DEFB104B: variants seen among roughly 807,000 people sequenced by gnomAD.
DEFB104B encodes the protein defensin beta 104B, also known as beta-defensin 104.
intron 1 of DEFB104B, among the ~76,000 whole-genome samples, chr8:7,474,153 C>T (rs1353332523): frequency 7.1e-6 from 1 of 141,732 alleles, no homozygotes; most frequent in African/African-American, 2.6e-5. Context: ...TGCTGGGTGT[C>T]TGTCAAAGCC....
intron 1 of DEFB104B, among the ~76,000 whole-genome samples, chr8:7,474,395 T>C (rs1811057529): frequency 1.4e-5 from 2 of 143,418 alleles, no homozygotes; most frequent in South Asian, 4.3e-4. Context: ...GGGACATAGA[T>C]TAACGTAGGA....
rs530435587 is a variant in DEFB104B, at chr8:7,474,102, A to C, written c.58+909T>G. 2.4e-3 allele frequency among the ~76,000 whole-genome samples: 337 copies of C among 141,000 alleles called. 9 individuals are homozygous for C. Among genetic ancestry groups the C allele is most frequent in the South Asian group, 3.1e-3 (14 of 4,542 alleles). 92.5% of individuals were successfully genotyped at this position (141,000 alleles called of 152,430 possible). A position where few individuals can be genotyped will look rare whatever the true frequency, so the allele number is the denominator to read the frequency against. Reference sequence around the variant, plus strand: ...TGAAAAAAAATCATTAACCCATCTGAATCACAGTGGAGGCACAGCCTGGAA... The same window carrying C: ...TGAAAAAAAATCATTAACCCATCTGCATCACAGTGGAGGCACAGCCTGGAA... On this transcript the variant is annotated intron_variant, in intron 1 of 1. Coordinates refer to ENST00000316169, the MANE Select transcript of DEFB104B (RefSeq NM_001040702.1).
At chr8:7,474,967 T>C in intron 1 of DEFB104B, 44 bp downstream of exon 1, 2 of 535,998 alleles carry the variant, frequency 3.7e-6, no homozygotes, top group South Asian at 3.9e-5. Flanking sequence ...CCCCCTGTCA[T>C]CCCCAGCAAC....
At chr8:7,471,144 T>C (rs141586239) in intron 1 of DEFB104B, among the ~76,000 whole-genome samples, 8,798 of 141,346 alleles carry the variant, frequency 0.062, 16 homozygotes, top group Non-Finnish European at 0.07. Flanking sequence ...CAAGTTGTAG[T>C]TATATATCTA....
chr8:7,472,042 G>A (rs1235752394), intron 1 of DEFB104B, among the ~76,000 whole-genome samples: 1 of 151,358 alleles, frequency 6.6e-6, no homozygotes. Flanking sequence ...ATTTGGAATG[G>A]CCCCACAGCG....
intron 1 of DEFB104B, among the ~76,000 whole-genome samples, chr8:7,471,237 T>C: frequency 8.2e-6 from 1 of 122,268 alleles, no homozygotes; most frequent in African/African-American, 3.1e-5. Flanking sequence ...TATGTATATA[T>C]GTATGTATAT....
At chr8:7,472,018 T>C (rs1393663156) in intron 1 of DEFB104B, among the ~76,000 whole-genome samples, 2 of 151,450 alleles carry the variant, frequency 1.3e-5, no homozygotes, top group Non-Finnish European at 2.9e-5. Flanking sequence ...GGATAGGATA[T>C]TGAAGGGGTT....
intron 1 of DEFB104B, among the ~76,000 whole-genome samples, chr8:7,474,336 G>A (rs1811054838): frequency 6.9e-6 from 1 of 144,716 alleles, no homozygotes; most frequent in Non-Finnish European, 1.5e-5. Context: ...AATTAGATTA[G>A]GTGCTCACTC....
chr8:7,472,561 G>A (rs1445313399), intron 1 of DEFB104B, among the ~76,000 whole-genome samples: 2 of 134,334 alleles, frequency 1.5e-5, no homozygotes, highest in South Asian at 2.7e-4. Context: ...CATTTCCTAA[G>A]CAATAAATAC....
At chr8:7,473,165 T>C (rs569535832) in intron 1 of DEFB104B, among the ~76,000 whole-genome samples, 72 of 121,198 alleles carry the variant, frequency 5.9e-4, no homozygotes, top group African/African-American at 2.0e-3. Flanking sequence ...CTGATTTACA[T>C]TGGTTTGGTC....
intron 1 of DEFB104B, among the ~76,000 whole-genome samples, chr8:7,471,132 C>T (rs1213781180): frequency 7.9e-5 from 12 of 151,968 alleles, no homozygotes; most frequent in African/African-American, 7.3e-5. Context: ...TATCACCTAT[C>T]GCAAGTTGTA....
intron 1 of DEFB104B, among the ~76,000 whole-genome samples, chr8:7,472,548 A>G (rs1585521123): frequency 7.4e-6 from 1 of 135,966 alleles, no homozygotes; most frequent in African/African-American, 3.0e-5. Flanking sequence ...GCTGAGTAAT[A>G]AACATTTCCT....
chr8:7,472,051 C>A (rs62639765), intron 1 of DEFB104B, among the ~76,000 whole-genome samples: 7 of 150,154 alleles, frequency 4.7e-5, no homozygotes, highest in South Asian at 2.1e-4. Context: ...GGCCCCACAG[C>A]GGGTGATGAG....
At chr8:7,472,070 G>C (rs1275497994) in intron 1 of DEFB104B, among the ~76,000 whole-genome samples, 3 of 150,406 alleles carry the variant, frequency 2.0e-5, no homozygotes, top group African/African-American at 7.5e-5. Flanking sequence ...AGGAAAGACT[G>C]TTTTGCTGTA....
At chr8:7,471,179 TAC>T (rs1491476818) in intron 1 of DEFB104B, among the ~76,000 whole-genome samples, 519 of 146,710 alleles carry the variant, frequency 3.5e-3, no homozygotes, top group South Asian at 0.02. Flanking sequence ...TATATATATA[TAC>T]ACATATATAG....
chr8:7,474,619 A>T (rs965779931), intron 1 of DEFB104B, among the ~76,000 whole-genome samples: 5 of 141,144 alleles, frequency 3.5e-5, no homozygotes, highest in African/African-American at 1.3e-4. Flanking sequence ...AAGGAGGAGG[A>T]TGGGAGAAGG....
chr8:7,472,959 C>A (rs1054642218), intron 1 of DEFB104B, among the ~76,000 whole-genome samples: 1 of 110,260 alleles, frequency 9.1e-6, no homozygotes, highest in Non-Finnish European at 1.8e-5. Context: ...TGGGTTCAAG[C>A]GATTCTCCTG....
At chr8:7,471,076 A>G (rs1810922085) in intron 1 of DEFB104B, among the ~76,000 whole-genome samples, 1 of 152,078 alleles carries the variant, frequency 6.6e-6, no homozygotes, top group Non-Finnish European at 1.5e-5. Context: ...CGTGTATTCA[A>G]ATGCCCCAAA....
At chr8:7,470,999 A>G (rs1349007513) in intron 1 of DEFB104B, among the ~76,000 whole-genome samples, 11 of 148,820 alleles carry the variant, frequency 7.4e-5, no homozygotes, top group African/African-American at 2.5e-4. Flanking sequence ...CCCATAAGTG[A>G]ATTCTTTGAA....
Sources: allele counts gnomAD v4.1 joint callset (sites outside exome capture counted in the v4.1 genomes callset), GRCh38; gene constraint gnomAD v4.1.1; transcripts MANE v1.5; gene names NCBI Gene and HGNC (gene_info 2026-07-23, HGNC 2026-07-21).